The following GAPVD1 variants were observed in gnomAD, a reference collection of about 807,000 sequenced individuals.
GAPVD1 encodes the protein GTPase activating protein and VPS9 domains 1, also known as GTPase-activating protein and VPS9 domain-containing protein 1.
A neutral mutation model predicts 155.5 loss-of-function variants in GAPVD1; 35 were observed. The ratio of observed to expected loss-of-function variants is 0.23; its 90% CI spans 0.17 to 0.30. The LOEUF (loss-of-function observed/expected upper bound fraction) is 0.30, where lower values mean the gene tolerates loss of function less well. Ranked by LOEUF, GAPVD1 falls within the 10% of genes least tolerant of loss-of-function variation. GAPVD1 has a pLI of 1.00. For synonymous variants in GAPVD1, 636 were observed against 619.7 expected, an observed-to-expected ratio of 1.03 and a Z score of -0.39; for missense variants, 1,429 against 1,775.7, an observed-to-expected ratio of 0.80 and a Z score of 3.51.
In GAPVD1 at chr9:125,299,052, C is replaced by T; in HGVS notation, c.131C>T (p.Thr44Ile). ...AAGACAGCTGAAAAGTTGTATCGTA[C>T]AGCATGGATTGCGAAGCAACAGAGA... is the stretch of plus-strand genomic sequence containing the variant. Reference protein sequence around the residue: ...VLKTAEKLYRTAWIAKQQRIN... With the variant: ...VLKTAEKLYRIAWIAKQQRIN... The change falls in exon 4 of 28, where the codon ACA becomes ATA. Residue 44 changes from threonine (T) to isoleucine (I), a missense_variant. By Grantham distance (89) the Thr-to-Ile change is moderately conservative (BLOSUM62 -1). Around this residue, in one of 4 missense-constraint regions of GAPVD1, gnomAD observed 628 missense variants for 733.4 expected, o/e 0.86. Transcript: ENST00000297933. 8 of 1,608,566 alleles carry T rather than the reference C, an allele frequency of 5.0e-6. No homozygotes were observed. Among genetic ancestry groups the T allele is most frequent in the Non-Finnish European group, 6.8e-6 (8 of 1,177,656 alleles).
intron 25 of GAPVD1, among the ~76,000 whole-genome samples, chr9:125,356,690 TAGAC>T (rs1177681970): frequency 9.9e-5 from 15 of 151,774 alleles, no homozygotes; most frequent in African/African-American, 3.4e-4. Context: ...TTTATTTATT[TAGAC>T]AGAGTGTCAC....
At chr9:125,300,550 G>C (rs1308641705) in intron 4 of GAPVD1, among the ~76,000 whole-genome samples, 1 of 152,048 alleles carries the variant, frequency 6.6e-6, no homozygotes, top group East Asian at 1.9e-4. Context: ...AATACATACT[G>C]TATGATTCTA....
chr9:125,264,415 A>G (rs1368312776), intron 1 of GAPVD1, among the ~76,000 whole-genome samples: 5 of 151,966 alleles, frequency 3.3e-5, no homozygotes, highest in Admixed American at 6.6e-5. Context: ...GGCTGGTCTC[A>G]AAGTCCTGAC....
intron 9 of GAPVD1, 133 bp from the exon 10 acceptor site, chr9:125,321,296 TGACA>T (rs1417910019): frequency 1.2e-5 from 7 of 598,128 alleles, no homozygotes; most frequent in Non-Finnish European, 2.1e-5. Flanking sequence ...TTTAAAAGCT[TGACA>T]GACCTTCTAA....
intron 2 of GAPVD1, among the ~76,000 whole-genome samples, chr9:125,274,175 G>A (rs940779726): frequency 5.9e-5 from 9 of 151,478 alleles, no homozygotes; most frequent in Non-Finnish European, 1.2e-4. Flanking sequence ...ACGCCACCAC[G>A]TCCAGCTAAT....
intron 6 of GAPVD1, among the ~76,000 whole-genome samples, chr9:125,306,219 A>C (rs1373797258): frequency 6.6e-6 from 1 of 151,876 alleles, no homozygotes; most frequent in African/African-American, 2.4e-5. Flanking sequence ...GCTGGAGTGC[A>C]GTGGCGTGAT....
At chr9:125,315,345 C>T (rs75464594) in intron 9 of GAPVD1, among the ~76,000 whole-genome samples, 1,965 of 152,222 alleles carry the variant, frequency 0.013, 103 homozygotes, top group East Asian at 0.088. Context: ...CTTTTAACAA[C>T]AAAGGAATGC....
At chr9:125,330,738 G>A (rs912144280) in intron 13 of GAPVD1, among the ~76,000 whole-genome samples, 1 of 152,192 alleles carries the variant, frequency 6.6e-6, no homozygotes, top group African/African-American at 2.4e-5. Flanking sequence ...GACTGTGATG[G>A]CAGGTGCTTT....
intron 2 of GAPVD1, among the ~76,000 whole-genome samples, chr9:125,283,066 T>TTATC (rs1837054998): frequency 1.3e-5 from 2 of 149,144 alleles, no homozygotes; most frequent in Admixed American, 1.4e-4. Flanking sequence ...ATTTATTTAT[T>TTATC]TATTTATGTT....
intron 13 of GAPVD1, 115 bp from the exon 14 acceptor site, chr9:125,331,811 A>G (rs1208074672): frequency 2.3e-6 from 2 of 865,270 alleles, no homozygotes; most frequent in East Asian, 2.5e-5. Flanking sequence ...TTACACATGT[A>G]TTTGCACTGA....
At chr9:125,331,807 A>G (rs1469436602) in intron 13 of GAPVD1, 119 bp from the exon 14 acceptor site, 1 of 830,274 alleles carries the variant, frequency 1.2e-6, no homozygotes, top group Non-Finnish European at 2.0e-6. Context: ...AGACTTACAC[A>G]TGTATTTGCA....
intron 2 of GAPVD1, among the ~76,000 whole-genome samples, chr9:125,272,320 C>T (rs1835053187): frequency 6.6e-6 from 1 of 152,146 alleles, no homozygotes; most frequent in East Asian, 1.9e-4. Flanking sequence ...CCGCGCCCAG[C>T]CAAAAATACA....
At chr9:125,280,475 G>T (rs143074539) in intron 2 of GAPVD1, among the ~76,000 whole-genome samples, 2 of 151,384 alleles carry the variant, frequency 1.3e-5, no homozygotes, top group Admixed American at 1.3e-4. Context: ...CACCTGGCAG[G>T]CCTGAAATGT....
intron 1 of GAPVD1, among the ~76,000 whole-genome samples, 159 bp from the exon 2 acceptor site, chr9:125,268,777 A>C (rs558369157): frequency 6.6e-6 from 1 of 152,248 alleles, no homozygotes; most frequent in East Asian, 1.9e-4. Flanking sequence ...CAAGTAGTTC[A>C]TCTGCCTCGG....
chr9:125,321,114 A>T (rs966592200), intron 9 of GAPVD1, among the ~76,000 whole-genome samples: 3 of 152,200 alleles, frequency 2.0e-5, no homozygotes, highest in Non-Finnish European at 4.4e-5. Flanking sequence ...CATAGTTGAC[A>T]CATGACAGAA....
At chr9:125,303,932 C>T (rs1038210863) in intron 5 of GAPVD1, 1 of 151,986 alleles carries the variant, frequency 6.6e-6, no homozygotes, top group African/African-American at 2.4e-5. Context: ...TAATATGGAA[C>T]ACTTCACAAA....
intron 1 of GAPVD1, among the ~76,000 whole-genome samples, chr9:125,267,184 T>C (rs1447542567): frequency 6.6e-6 from 1 of 152,242 alleles, no homozygotes; most frequent in Non-Finnish European, 1.5e-5. Context: ...GTTAACATTT[T>C]GCCATGTTTA....
intron 19 of GAPVD1, 61 bp from the exon 20 acceptor site, chr9:125,346,758 C>T (rs756496322): frequency 1.6e-6 from 2 of 1,288,906 alleles, no homozygotes; most frequent in South Asian, 2.4e-5. Context: ...TGGTGTCATA[C>T]TAACATCAGA....
At chr9:125,282,745 A>G (rs1174187669) in intron 2 of GAPVD1, among the ~76,000 whole-genome samples, 1 of 152,150 alleles carries the variant, frequency 6.6e-6, no homozygotes, top group East Asian at 1.9e-4. Flanking sequence ...GCATCATCCC[A>G]ATTTTGAAGA....
Sources: allele counts gnomAD v4.1 joint callset (sites outside exome capture counted in the v4.1 genomes callset), GRCh38; gene constraint gnomAD v4.1.1; regional missense constraint gnomAD v4.1.1; transcripts MANE v1.5; gene names NCBI Gene and HGNC (gene_info 2026-07-23, HGNC 2026-07-21).